The following SLC44A3 variants were observed in gnomAD, a reference collection of about 807,000 sequenced individuals.
SLC44A3 encodes choline transporter-like protein 3.
SLC44A3 carries 74 observed loss-of-function variants against 75.4 expected under a neutral mutation model. The observed-to-expected ratio is 0.98, with a 90% confidence interval of 0.81 to 1.19. SLC44A3 has a LOEUF of 1.19. Among genes scored for constraint, SLC44A3 ranks in the 50% most tolerant of loss-of-function variants. The pLI is 0.00. For synonymous variants in SLC44A3, 310 were observed against 296.9 expected, an observed-to-expected ratio of 1.04 and a Z score of -0.45; for missense variants, 700 against 778.6, an observed-to-expected ratio of 0.90 and a Z score of 1.20.
intron 12 of SLC44A3, among the ~76,000 whole-genome samples, chr1:94,887,511 G>T (rs1007894849): frequency 6.6e-6 from 1 of 152,140 alleles, no homozygotes; most frequent in African/African-American, 2.4e-5. Context: ...ATGCTTATGG[G>T]CCCCAAAACT....
rs200664672 is a variant in SLC44A3 at position 94,894,962 on chromosome 1, C to G, written c.*40C>G. 1,320 of 1,506,780 alleles carry G rather than the reference C, an allele frequency of 8.8e-4. 1 individual carries two copies. Among genetic ancestry groups the G allele is most frequent in the Non-Finnish European group, 1.1e-3 (1,261 of 1,100,250 alleles). The allele number at this position is 1,506,780 out of a possible 1,614,324, so 93.3% of individuals were successfully genotyped here. A position where few individuals can be genotyped will look rare whatever the true frequency, so the allele number is the denominator to read the frequency against. Reference sequence around the variant, plus strand: ...ATCTGTACCTGGAAAACATTTCCTTCTAAGAGCCATTTACAGAATAGAAGA... The same window carrying G: ...ATCTGTACCTGGAAAACATTTCCTTGTAAGAGCCATTTACAGAATAGAAGA... On this transcript the variant is annotated 3_prime_UTR_variant, in exon 15 of 15. Coordinates refer to ENST00000271227, the MANE Select transcript of SLC44A3 (RefSeq NM_001114106.3).
At chr1:94,858,451 G>A (rs776156728) in intron 10 of SLC44A3, among the ~76,000 whole-genome samples, 1 of 152,112 alleles carries the variant, frequency 6.6e-6, no homozygotes, top group African/African-American at 2.4e-5. Context: ...CTGTGTGTGT[G>A]ACTCACCCCA....
At chr1:94,841,326 T>C (rs563983729) in intron 7 of SLC44A3, among the ~76,000 whole-genome samples, 41 of 152,280 alleles carry the variant, frequency 2.7e-4, no homozygotes, top group African/African-American at 9.1e-4. Context: ...GATGTGATTG[T>C]CATGTTTCTT....
chr1:94,824,364 G>A, intron 2 of SLC44A3, 129 bp from the exon 3 acceptor site: 1 of 1,106,532 alleles, frequency 9.0e-7, no homozygotes, highest in Non-Finnish European at 1.2e-6. Flanking sequence ...TACTGACGGA[G>A]CAAAGCGCTA....
intron 5 of SLC44A3, among the ~76,000 whole-genome samples, chr1:94,836,565 A>G (rs1662815192): frequency 1.3e-5 from 2 of 152,176 alleles, no homozygotes; most frequent in Admixed American, 1.3e-4. Flanking sequence ...CAGAAATACA[A>G]TTCTTTTGTT....
intron 12 of SLC44A3, among the ~76,000 whole-genome samples, chr1:94,880,376 C>G (rs1404839845): frequency 6.6e-6 from 1 of 152,134 alleles, no homozygotes; most frequent in East Asian, 1.9e-4. Context: ...AGAAGGAAAT[C>G]CTGTCATATG....
intron 9 of SLC44A3, among the ~76,000 whole-genome samples, chr1:94,853,422 A>T (rs1390932672): frequency 2.0e-5 from 3 of 152,218 alleles, no homozygotes; most frequent in Admixed American, 6.5e-5. Flanking sequence ...GGAAGAGGAA[A>T]GAGTCCACAG....
chr1:94,888,822 C>T (rs1317790366), intron 12 of SLC44A3: 21 of 567,562 alleles, frequency 3.7e-5, no homozygotes, highest in South Asian at 1.5e-4. Flanking sequence ...CTCTGCTTCC[C>T]GGGTTCAAGC....
At chr1:94,878,965 C>T (rs1668625354) in intron 12 of SLC44A3, among the ~76,000 whole-genome samples, 1 of 152,118 alleles carries the variant, frequency 6.6e-6, no homozygotes, top group South Asian at 2.1e-4. Context: ...AACTATAAAA[C>T]TCTTAGAATA....
chr1:94,823,185 G>T (rs755043452), intron 2 of SLC44A3, among the ~76,000 whole-genome samples: 2 of 152,148 alleles, frequency 1.3e-5, no homozygotes, highest in Non-Finnish European at 2.9e-5. Flanking sequence ...CTGGGCAGAA[G>T]CACATGACCC....
chr1:94,868,140 G>A (rs1667372223), intron 12 of SLC44A3, among the ~76,000 whole-genome samples: 1 of 152,026 alleles, frequency 6.6e-6, no homozygotes. Flanking sequence ...TCAAATTGAT[G>A]GAAATTTAAA....
intron 12 of SLC44A3, among the ~76,000 whole-genome samples, chr1:94,868,492 A>G (rs1667411217): frequency 1.3e-5 from 2 of 152,326 alleles, no homozygotes; most frequent in Non-Finnish European, 2.9e-5. Flanking sequence ...TTGGATTGCT[A>G]TAAGCCAGCA....
At chr1:94,885,175 C>A (rs984802015) in intron 12 of SLC44A3, among the ~76,000 whole-genome samples, 1 of 130,438 alleles carries the variant, frequency 7.7e-6, no homozygotes, top group Non-Finnish European at 1.5e-5. Flanking sequence ...CACAGGAATA[C>A]AATCGCGCCA....
intron 12 of SLC44A3, among the ~76,000 whole-genome samples, chr1:94,868,761 T>C (rs1667441049): frequency 6.6e-6 from 1 of 152,246 alleles, no homozygotes; most frequent in Non-Finnish European, 1.5e-5. Flanking sequence ...AATGGGACCA[T>C]TGATATACAA....
At chr1:94,824,371 G>C in intron 2 of SLC44A3, 122 bp from the exon 3 acceptor site, 1 of 1,182,584 alleles carries the variant, frequency 8.5e-7, no homozygotes, top group East Asian at 2.7e-5. Flanking sequence ...GGAGCAAAGC[G>C]CTATGATGCT....
rs28522342 is a variant in SLC44A3, at chr1:94,845,468, A to G, written c.1072+4A>G. 1.2e-6 allele frequency: 2 copies of G among 1,606,504 alleles called. No individual in the cohort carries two copies. Among genetic ancestry groups the G allele is most frequent in the Middle Eastern group, 1.7e-4 (1 of 6,002 alleles). Reference sequence around the variant, plus strand: ...CTGCTGAGCCTGGGAACTGCAGGTAAGGGACAGTGGGTGTGGGTTCCATCA... The same window carrying G: ...CTGCTGAGCCTGGGAACTGCAGGTAGGGGACAGTGGGTGTGGGTTCCATCA... On this transcript the variant is annotated splice_donor_region_variant and intron_variant, in intron 9 of 14. Coordinates refer to ENST00000271227, the MANE Select transcript of SLC44A3 (RefSeq NM_001114106.3).
intron 11 of SLC44A3, among the ~76,000 whole-genome samples, chr1:94,866,890 C>A (rs1667224258): frequency 6.6e-6 from 1 of 152,096 alleles, no homozygotes; most frequent in Non-Finnish European, 1.5e-5. Context: ...AAACTTGATT[C>A]TTTATTTATG....
At chr1:94,871,381 G>A (rs1272490360) in intron 12 of SLC44A3, among the ~76,000 whole-genome samples, 1 of 152,226 alleles carries the variant, frequency 6.6e-6, no homozygotes, top group Non-Finnish European at 1.5e-5. Flanking sequence ...GTCTGGGAGT[G>A]TTGGCTGGCC....
At chr1:94,856,881 C>T (rs544288680) in intron 9 of SLC44A3, among the ~76,000 whole-genome samples, 6 of 152,230 alleles carry the variant, frequency 3.9e-5, no homozygotes, top group African/African-American at 1.2e-4. Flanking sequence ...CAGGTGCCTG[C>T]GACCATGCTT....
Sources: gnomAD v4.1 joint callset for allele counts (sites outside exome capture counted in the v4.1 genomes callset) on GRCh38, gnomAD v4.1.1 for gene constraint, MANE v1.5 for transcripts, NCBI Gene and HGNC (gene_info 2026-07-23, HGNC 2026-07-21) for gene names.